Variants in CCSER1 observed in about 807,000 individuals in gnomAD.
CCSER1 encodes the protein coiled-coil serine rich protein 1, also known as serine-rich coiled-coil domain-containing protein 1.
A neutral mutation model predicts 82.0 loss-of-function variants in CCSER1; 41 were observed. That is an observed-to-expected ratio of 0.50 (90% CI 0.39 to 0.65). CCSER1 has a LOEUF of 0.65. Among genes scored for constraint, CCSER1 ranks in the 30% least tolerant of loss-of-function variants. The pLI is 0.00. For synonymous variants in CCSER1, 414 were observed against 383.9 expected, an observed-to-expected ratio of 1.08 and a Z score of -0.92; for missense variants, 1,119 against 1,064.2, an observed-to-expected ratio of 1.05 and a Z score of -0.72.
chr4:90,301,342 G>T (rs1560980000), intron 1 of CCSER1, among the ~76,000 whole-genome samples: 1 of 152,086 alleles, frequency 6.6e-6, no homozygotes. Flanking sequence ...GGTAATGATT[G>T]TGTTTACTAA....
chr4:90,430,785 T>C (rs994420205), intron 4 of CCSER1, among the ~76,000 whole-genome samples: 10 of 151,872 alleles, frequency 6.6e-5, no homozygotes, highest in Non-Finnish European at 1.3e-4. Flanking sequence ...AATAACAAAA[T>C]AGGACTAATG....
At chr4:90,474,274 G>T (rs1158982740) in intron 5 of CCSER1, among the ~76,000 whole-genome samples, 1 of 152,148 alleles carries the variant, frequency 6.6e-6, no homozygotes, top group Non-Finnish European at 1.5e-5. Context: ...TGACTCTCGA[G>T]CTAACATCCA....
intron 10 of CCSER1, among the ~76,000 whole-genome samples, chr4:91,442,823 G>A (rs1434285859): frequency 6.6e-6 from 1 of 151,694 alleles, no homozygotes; most frequent in Non-Finnish European, 1.5e-5. Flanking sequence ...GACATGAACA[G>A]ACACTTCTAA....
chr4:91,443,139 C>T (rs1299810304), intron 10 of CCSER1, among the ~76,000 whole-genome samples: 3 of 152,062 alleles, frequency 2.0e-5, no homozygotes, highest in Admixed American at 1.3e-4. Flanking sequence ...ACCCAAAGGA[C>T]TATAAATCAT....
At chr4:90,566,038 T>G (rs1350214056) in intron 5 of CCSER1, among the ~76,000 whole-genome samples, 1 of 151,400 alleles carries the variant, frequency 6.6e-6, no homozygotes, top group Non-Finnish European at 1.5e-5. Flanking sequence ...TTGTATTTTT[T>G]TTTTTTTTTT....
intron 9 of CCSER1, among the ~76,000 whole-genome samples, chr4:91,055,545 A>C: frequency 6.6e-6 from 1 of 152,000 alleles, no homozygotes; most frequent in African/African-American, 2.4e-5. Flanking sequence ...GATGTGCCAA[A>C]TTGTGTCTCT....
intron 6 of CCSER1, among the ~76,000 whole-genome samples, chr4:90,708,524 C>T (rs1400964869): frequency 1.3e-5 from 2 of 152,140 alleles, no homozygotes; most frequent in Non-Finnish European, 2.9e-5. Context: ...TGTTCCTACC[C>T]ATCCTCAGAA....
At chr4:90,247,443 T>G (rs1190648423) in intron 1 of CCSER1, among the ~76,000 whole-genome samples, 1 of 151,594 alleles carries the variant, frequency 6.6e-6, no homozygotes, top group Non-Finnish European at 1.5e-5. Context: ...TGAAGAAAAC[T>G]TGTTGTGAGA....
At chr4:90,172,122 C>A (rs558920371) in intron 1 of CCSER1, among the ~76,000 whole-genome samples, 1 of 151,952 alleles carries the variant, frequency 6.6e-6, no homozygotes, top group South Asian at 2.1e-4. Context: ...GTCAAATCCG[C>A]TGGATGGAAA....
chr4:90,695,373 G>A (rs1235712040), intron 6 of CCSER1, among the ~76,000 whole-genome samples: 1 of 151,826 alleles, frequency 6.6e-6, no homozygotes, highest in Non-Finnish European at 1.5e-5. Context: ...TAGAAATTAG[G>A]TAATAACACT....
intron 9 of CCSER1, among the ~76,000 whole-genome samples, chr4:90,956,923 G>C (rs1022729665): frequency 6.8e-6 from 1 of 147,262 alleles, no homozygotes; most frequent in Non-Finnish European, 1.5e-5. Flanking sequence ...GGGACTACAG[G>C]TGTGTGCCAC....
In CCSER1 at chr4:91,088,481, G is replaced by A. The variant is rs115898243; in HGVS notation, c.2217+2487G>A. Among the ~76,000 whole-genome samples the A allele has an allele frequency of 9.2e-3, 1,407 of 152,184 alleles. 18 individuals carry two copies. Among genetic ancestry groups the A allele is most frequent in the African/African-American group, 0.032 (1,349 of 41,534 alleles). On this transcript the variant is annotated intron_variant, in intron 10 of 10. Coordinates refer to ENST00000509176, the MANE Select transcript of CCSER1 (RefSeq NM_001145065.2). ...AAGGCTAGATTTGAAACTATATGCT[G>A]TATAAAAATATAAGTTAAGGAGAAG...
intron 10 of CCSER1, among the ~76,000 whole-genome samples, chr4:91,162,818 T>C (rs1731573769): frequency 6.6e-6 from 1 of 152,188 alleles, no homozygotes; most frequent in Non-Finnish European, 1.5e-5. Flanking sequence ...GATTATTCTC[T>C]TTTTTCTTCT....
intron 4 of CCSER1, among the ~76,000 whole-genome samples, chr4:90,416,377 A>G (rs1036536854): frequency 1.3e-5 from 2 of 152,204 alleles, no homozygotes; most frequent in African/African-American, 2.4e-5. Context: ...CTACAAATTA[A>G]TATCAAAAGA....
chr4:90,695,634 G>T (rs1736862564), intron 6 of CCSER1, among the ~76,000 whole-genome samples: 1 of 151,924 alleles, frequency 6.6e-6, no homozygotes, highest in African/African-American at 2.4e-5. Flanking sequence ...CTGTGTACAT[G>T]GGACTTTTAC....
At chr4:90,314,589 T>TA (rs1310936913) in intron 3 of CCSER1, among the ~76,000 whole-genome samples, 1 of 150,768 alleles carries the variant, frequency 6.6e-6, no homozygotes, top group South Asian at 2.1e-4. Flanking sequence ...AACTCATCTC[T>TA]AAAAAAAAAT....
rs370316534 is a variant in CCSER1, at chr4:90,525,111, A to AT, written c.1724+56765dup. ...AAGCTAATACAAGATAGAATAAATC[A>AT]TTTTTTTTAAAAAAAAAGCAAATCT... On this transcript the variant is annotated intron_variant, in intron 5 of 10. Transcript: ENST00000509176. Among the ~76,000 whole-genome samples, 961 of 151,878 alleles carry AT rather than the reference A, an allele frequency of 6.3e-3. 4 individuals carry two copies. The highest frequency in any genetic ancestry group is 0.016 in the African/African-American group (652 of 41,478).
At chr4:90,966,572 C>T (rs1734581663) in intron 9 of CCSER1, among the ~76,000 whole-genome samples, 1 of 152,062 alleles carries the variant, frequency 6.6e-6, no homozygotes, top group Non-Finnish European at 1.5e-5. Flanking sequence ...GCTAGGAAAC[C>T]TGCCTTATAA....
At chr4:90,836,494 G>A (rs1761826191) in intron 8 of CCSER1, among the ~76,000 whole-genome samples, 1 of 152,044 alleles carries the variant, frequency 6.6e-6, no homozygotes, top group African/African-American at 2.4e-5. Context: ...AAGACATATG[G>A]ACAAATTCCC....
Sources: gnomAD v4.1 joint callset for allele counts (sites outside exome capture counted in the v4.1 genomes callset) on GRCh38, gnomAD v4.1.1 for gene constraint, MANE v1.5 for transcripts, NCBI Gene and HGNC (gene_info 2026-07-23, HGNC 2026-07-21) for gene names.